Variants in DSC1 observed in about 807,000 individuals in gnomAD.
DSC1 encodes the protein desmocollin 1.
DSC1 carries 79 observed loss-of-function variants against 98.8 expected under a neutral mutation model. That is an observed-to-expected ratio of 0.80 (90% CI 0.67 to 0.96). DSC1 has a LOEUF of 0.96. Ranked by LOEUF, DSC1 falls within the 50% of genes least tolerant of loss-of-function variation. DSC1 has a pLI of 0.00. For synonymous variants in DSC1, 405 were observed against 372.1 expected (o/e 1.09, Z -1.02); for missense variants, 1,115 against 1,075.9 (o/e 1.04, Z -0.51).
At chr18:31,148,730 T>TA (rs3217442) in intron 5 of DSC1, 88 bp from the exon 6 acceptor site, 218,018 of 1,061,880 alleles carry the variant, frequency 0.21, 7,391 homozygotes, top group East Asian at 0.45. Flanking sequence ...AATGTAACAT[T>TA]AAAAAAAAAA....
intron 6 of DSC1, among the ~76,000 whole-genome samples, 198 bp downstream of exon 6, chr18:31,148,300 A>T (rs577721549): frequency 1.3e-5 from 2 of 152,208 alleles, no homozygotes; most frequent in Non-Finnish European, 2.9e-5. Context: ...TAAATTTAAG[A>T]AAGTGTGCTC....
At position 31,145,575 on chromosome 18, in the gene DSC1, A is replaced by C. The variant is rs372364373; in HGVS notation, c.939+36T>G. ...GGGAGTTCATTCTCAGTTTAAATGT[A>C]GTTCAATGACTAGATAGTTAATTAA... On this transcript the variant is annotated intron_variant, in intron 7 of 15. Coordinates refer to ENST00000257198, the MANE Select transcript of DSC1 (RefSeq NM_024421.2). The C allele has an allele frequency of 1.9e-6, 3 of 1,607,978 alleles. No individual in the cohort carries two copies. The African/African-American group carries it at 4.0e-5, about 22-fold the overall frequency.
At chr18:31,153,872 A>G (rs1568004197) in intron 5 of DSC1, among the ~76,000 whole-genome samples, 2 of 152,144 alleles carry the variant, frequency 1.3e-5, no homozygotes, top group Non-Finnish European at 2.9e-5. Flanking sequence ...AACTGCCTTG[A>G]GGTGGCCACT....
intron 1 of DSC1, among the ~76,000 whole-genome samples, chr18:31,161,255 G>A (rs1645608573): frequency 6.6e-6 from 1 of 152,004 alleles, no homozygotes; most frequent in Non-Finnish European, 1.5e-5. Context: ...CACCTATACA[G>A]ACGAGCTCCA....
Position 31,155,038 on chromosome 18 carries a change from ATTCT to A in DSC1, c.472-113_472-110del, listed in dbSNP as rs1989069614. On this transcript the variant is annotated intron_variant, in intron 4 of 15. Coordinates refer to ENST00000257198, the MANE Select transcript of DSC1 (RefSeq NM_024421.2). ...CACTACCCCTCTTTCCTACTCTCCT[ATTCT>A]TTCTTTCTTCTGCTTAGGTGCCCAT... is the stretch of plus-strand genomic sequence containing the variant. The A allele has an allele frequency of 1.1e-5, 14 of 1,277,342 alleles. No individual in the cohort carries two copies. The South Asian group carries it at 1.7e-4, about 16-fold the overall frequency. 79.1% of individuals were successfully genotyped at this position (1,277,342 alleles called of 1,614,324 possible).
chr18:31,130,282 A>C lies in DSC1; in HGVS notation c.*232T>G, dbSNP rs1462531100. The C allele has an allele frequency of 2.9e-5, 16 of 555,002 alleles. No homozygotes were observed. Among genetic ancestry groups the C allele is most frequent in the Non-Finnish European group, 4.8e-5 (15 of 314,450 alleles). 34.4% of individuals were successfully genotyped at this position (555,002 alleles called of 1,614,324 possible). A position where few individuals can be genotyped will look rare whatever the true frequency, so the allele number is the denominator to read the frequency against. ...GTACAGTACAGTCGTGAAAAGGGCA[A>C]TATATACATGCATATAAAAGAGAAT... On this transcript the variant is annotated 3_prime_UTR_variant, in exon 16 of 16. Coordinates refer to ENST00000257198, the MANE Select transcript of DSC1 (RefSeq NM_024421.2).
At chr18:31,130,815 C>T (rs1396570348) in intron 15 of DSC1, 104 bp from the exon 16 acceptor site, 1 of 1,612,414 alleles carries the variant, frequency 6.2e-7, no homozygotes, top group African/African-American at 1.3e-5. Context: ...AATTTTTAAT[C>T]AGAGTGTGTC....
intron 11 of DSC1, among the ~76,000 whole-genome samples, chr18:31,136,757 A>C (rs1163858386): frequency 6.6e-6 from 1 of 152,220 alleles, no homozygotes; most frequent in Non-Finnish European, 1.5e-5. Context: ...GCCACATTCA[A>C]AGCCACGCTG....
At chr18:31,150,067 T>TCACCAC (rs1568002326) in intron 5 of DSC1, among the ~76,000 whole-genome samples, 1 of 143,110 alleles carries the variant, frequency 7.0e-6, no homozygotes, top group East Asian at 2.2e-4. Context: ...ACCACCATCA[T>TCACCAC]CACCACCACC....
chr18:31,150,267 TCACCACTACCATCACCAC>T lies in DSC1; in HGVS notation c.628-1643_628-1626del, dbSNP rs1435561670. Among the ~76,000 whole-genome samples the T allele has an allele frequency of 2.0e-3, 166 of 84,716 alleles. 12 individuals carry two copies. Among genetic ancestry groups the T allele is most frequent in the East Asian group, 0.011 (21 of 1,898 alleles). 55.6% of individuals were successfully genotyped at this position (84,716 alleles called of 152,430 possible). A position where few individuals can be genotyped will look rare whatever the true frequency, so the allele number is the denominator to read the frequency against. ...ACCACTACCACCACCACCATCATCA[TCACCACTACCATCACCAC>T]CACCACCACTACCATCATCACCACC... is the stretch of plus-strand genomic sequence containing the variant. On this transcript the variant is annotated intron_variant, in intron 5 of 15. Transcript: ENST00000257198.
intron 11 of DSC1, among the ~76,000 whole-genome samples, chr18:31,139,294 T>C (rs1435526789): frequency 6.6e-6 from 1 of 152,090 alleles, no homozygotes; most frequent in African/African-American, 2.4e-5. Flanking sequence ...GGATAAATGA[T>C]TTGTTCTCCA....
rs927832534 is a variant in DSC1, at chr18:31,162,822, A to G, written c.-228T>C. 2 of 524,204 alleles carry G rather than the reference A, an allele frequency of 3.8e-6. No individual in the cohort carries two copies. The highest frequency in any genetic ancestry group is 3.4e-5 in the Admixed American group (1 of 29,770). The allele number at this position is 524,204 out of a possible 1,614,324, so 32.5% of individuals were successfully genotyped here. Reference sequence around the variant, plus strand: ...GGCCAGTCTCCTTCCTTCCAGTTCAATTACGTCTAAATGCAAAGAGGCTTT... The same window carrying G: ...GGCCAGTCTCCTTCCTTCCAGTTCAGTTACGTCTAAATGCAAAGAGGCTTT... On this transcript the variant is annotated 5_prime_UTR_variant, in exon 1 of 16. Transcript: ENST00000257198.
intron 3 of DSC1, 139 bp downstream of exon 3, chr18:31,157,232 A>T (rs1042796930): frequency 2.3e-6 from 2 of 877,898 alleles, no homozygotes; most frequent in Non-Finnish European, 3.5e-6. Context: ...GTCTTTATTT[A>T]CACTAATTGT....
intron 6 of DSC1, 104 bp from the exon 7 acceptor site, chr18:31,145,881 CA>C (rs1231287080): frequency 8.3e-7 from 1 of 1,211,230 alleles, no homozygotes; most frequent in Admixed American, 2.3e-5. Context: ...CCCCAAACCA[CA>C]AGTAGATTAG....
At chr18:31,151,705 A>G (rs1989002901) in intron 5 of DSC1, among the ~76,000 whole-genome samples, 1 of 152,158 alleles carries the variant, frequency 6.6e-6, no homozygotes, top group Non-Finnish European at 1.5e-5. Context: ...ACAGCTACTG[A>G]CAGAAATAGG....
chr18:31,149,056 T>C (rs564835470), intron 5 of DSC1, among the ~76,000 whole-genome samples: 2 of 152,206 alleles, frequency 1.3e-5, no homozygotes, highest in Non-Finnish European at 2.9e-5. Context: ...AACTCAATTA[T>C]ATGTTTTTTA....
At chr18:31,137,967 G>A (rs1212113127) in intron 11 of DSC1, among the ~76,000 whole-genome samples, 2 of 44,384 alleles carry the variant, frequency 4.5e-5, no homozygotes, top group African/African-American at 2.1e-4. Flanking sequence ...AGAGCAAAAT[G>A]TGTGTGTGTG....
intron 12 of DSC1, 38 bp from the exon 13 acceptor site, chr18:31,134,168 G>A: frequency 6.3e-7 from 1 of 1,586,882 alleles, no homozygotes. Context: ...TGGATTGGCT[G>A]TTTAGATGGC....
At chr18:31,134,459 T>C (rs1988564887) in intron 12 of DSC1, 113 bp downstream of exon 12, 1 of 994,840 alleles carries the variant, frequency 1.0e-6, no homozygotes, top group Admixed American at 3.0e-5. Context: ...GTTTTTAGGG[T>C]TAATAAAATA....
Sources: gnomAD v4.1 joint callset for allele counts (sites outside exome capture counted in the v4.1 genomes callset) on GRCh38, gnomAD v4.1.1 for gene constraint, MANE v1.5 for transcripts, NCBI Gene and HGNC (gene_info 2026-07-23, HGNC 2026-07-21) for gene names.